Variants in GSE1 observed in about 807,000 individuals in gnomAD.
GSE1 encodes Gse1 coiled-coil protein, also known as genetic suppressor element 1.
A neutral mutation model predicts 112.6 loss-of-function variants in GSE1; 32 were observed. That is an observed-to-expected ratio of 0.28 (90% CI 0.21 to 0.38). GSE1 has a LOEUF of 0.38. Among genes scored for constraint, GSE1 ranks in the 10% least tolerant of loss-of-function variants. The probability of loss-of-function intolerance (pLI) is 1.00; values close to 1 mark genes in which losing one functional copy is unlikely to be tolerated. For synonymous variants in GSE1, 1,115 were observed against 735.6 expected (o/e 1.52, Z -8.35); for missense variants, 2,348 against 1,699.2 (o/e 1.38, Z -6.71).
rs1245889518 is a variant in GSE1 at position 85,673,476 on chromosome 16, G to C, written c.*937G>C. 2 of 134,722 alleles carry C rather than the reference G, an allele frequency of 1.5e-5. No homozygotes were observed. Among genetic ancestry groups the C allele is most frequent in the Middle Eastern group, 4.0e-3 (1 of 250 alleles). The allele number at this position is 134,722 out of a possible 1,614,324, so 8.3% of individuals were successfully genotyped here. On this transcript the variant is annotated 3_prime_UTR_variant, in exon 16 of 16. Coordinates refer to ENST00000253458, the MANE Select transcript of GSE1 (RefSeq NM_014615.5). ...TTGTTTGTTGTTTTGGTTTTTTTTGGGCAAAAAAAAAAAAAAAACCTTGCT... is the reference window on the plus strand; with the variant it reads ...TTGTTTGTTGTTTTGGTTTTTTTTGCGCAAAAAAAAAAAAAAAACCTTGCT...
At chr16:85,596,683 G>T (rs983357588) in intron 1 of GSE1, among the ~76,000 whole-genome samples, 8 of 152,162 alleles carry the variant, frequency 5.3e-5, no homozygotes, top group Non-Finnish European at 8.8e-5. Flanking sequence ...CACAATTCAA[G>T]TGCTTAGAGG....
chr16:85,525,652 G>A (rs900452475), intron 2 of GSE1, among the ~76,000 whole-genome samples: 2 of 152,218 alleles, frequency 1.3e-5, no homozygotes, highest in African/African-American at 4.8e-5. Context: ...CCTTTAGGGG[G>A]CTCCATTTGT....
chr16:85,473,650 GC>G (rs2050363684), intron 2 of GSE1, among the ~76,000 whole-genome samples: 1 of 152,174 alleles, frequency 6.6e-6, no homozygotes, highest in Admixed American at 6.5e-5. Flanking sequence ...TTTAGGACCT[GC>G]CCAGATAATC....
intron 1 of GSE1, among the ~76,000 whole-genome samples, chr16:85,343,996 C>T (rs1397123774): frequency 6.6e-6 from 1 of 152,208 alleles, no homozygotes; most frequent in Non-Finnish European, 1.5e-5. Flanking sequence ...GCGCCTGAAA[C>T]ACTATTCCCC....
At chr16:85,672,302 T>TTTCAAA (rs777845111) in intron 15 of GSE1, 103 bp from the exon 16 acceptor site, 8 of 873,262 alleles carry the variant, frequency 9.2e-6, no homozygotes, top group African/African-American at 8.3e-5. Context: ...GCCGGGACAT[T>TTTCAAA]TTCAAATGTA....
chr16:85,305,009 T>A (rs950973008), intron 1 of GSE1, among the ~76,000 whole-genome samples: 1 of 152,118 alleles, frequency 6.6e-6, no homozygotes, highest in Non-Finnish European at 1.5e-5. Context: ...CAAGCCCACA[T>A]CCTGTTAGGA....
intron 1 of GSE1, among the ~76,000 whole-genome samples, chr16:85,183,308 G>C (rs1056494992): frequency 3.3e-5 from 5 of 152,230 alleles, no homozygotes; most frequent in Admixed American, 2.6e-4. Context: ...TGCCAGCCTA[G>C]CTCTCACCTG....
chr16:85,324,382 T>G (rs1265151707), intron 1 of GSE1, among the ~76,000 whole-genome samples: 2 of 151,978 alleles, frequency 1.3e-5, no homozygotes, highest in Non-Finnish European at 1.5e-5. Context: ...TGGTGGCGCA[T>G]GCCTGTAATC....
At chr16:85,576,937 G>T (rs2046250834) in intron 1 of GSE1, among the ~76,000 whole-genome samples, 1 of 152,190 alleles carries the variant, frequency 6.6e-6, no homozygotes, top group Admixed American at 6.5e-5. Context: ...AGAGCAGGCA[G>T]GCCCTTCCCT....
At chr16:85,221,466 C>T (rs1337827732) in intron 1 of GSE1, among the ~76,000 whole-genome samples, 4 of 152,000 alleles carry the variant, frequency 2.6e-5, no homozygotes, top group East Asian at 3.9e-4. Flanking sequence ...CACACACAGA[C>T]GCACACAGAC....
At chr16:85,450,748 C>A (rs111536585) in intron 2 of GSE1, among the ~76,000 whole-genome samples, 9,789 of 152,086 alleles carry the variant, frequency 0.064, 646 homozygotes, top group African/African-American at 0.17. Context: ...CTCGCCCGGC[C>A]CACCTTACAT....
intron 2 of GSE1, among the ~76,000 whole-genome samples, chr16:85,481,172 C>T (rs2050671008): frequency 6.6e-6 from 1 of 152,242 alleles, no homozygotes; most frequent in African/African-American, 2.4e-5. Flanking sequence ...CAGAGCCAGG[C>T]TTCCCAGGTT....
intron 1 of GSE1, among the ~76,000 whole-genome samples, chr16:85,314,415 T>G (rs996944041): frequency 6.6e-6 from 1 of 152,124 alleles, no homozygotes; most frequent in Non-Finnish European, 1.5e-5. Context: ...CAGCCCAGCA[T>G]CTGTGTGGGG....
At chr16:85,642,195 C>G (rs1247569537) in intron 2 of GSE1, among the ~76,000 whole-genome samples, 4 of 152,226 alleles carry the variant, frequency 2.6e-5, no homozygotes, top group Admixed American at 2.6e-4. Context: ...GCCTATAGTC[C>G]CAGCTGCTCG....
At chr16:85,274,948 C>T (rs922366022) in intron 1 of GSE1, among the ~76,000 whole-genome samples, 1 of 152,226 alleles carries the variant, frequency 6.6e-6, no homozygotes, top group Non-Finnish European at 1.5e-5. Context: ...GGAGTGAGAC[C>T]AGGCATTTTC....
At chr16:85,555,163 T>C, upstream of GSE1, 1 of 985,374 alleles carries the variant, frequency 1.0e-6, no homozygotes, top group Non-Finnish European at 1.2e-6. Context: ...TTCGCTTTCA[T>C]TAGGGGAGAC....
chr16:85,468,544 C>T (rs1352340870), intron 2 of GSE1, among the ~76,000 whole-genome samples: 1 of 151,990 alleles, frequency 6.6e-6, no homozygotes, highest in African/African-American at 2.4e-5. Context: ...TCTTGAACTC[C>T]TGACCTCCTG....
chr16:85,392,219 T>G (rs905917354), intron 2 of GSE1, among the ~76,000 whole-genome samples: 1 of 152,166 alleles, frequency 6.6e-6, no homozygotes, highest in Non-Finnish European at 1.5e-5. Flanking sequence ...CACACAGCAT[T>G]GATTCTGCAC....
At chr16:85,544,025 G>C (rs2044614382) in intron 2 of GSE1, among the ~76,000 whole-genome samples, 1 of 152,126 alleles carries the variant, frequency 6.6e-6, no homozygotes, top group Non-Finnish European at 1.5e-5. Context: ...TGTAGAGATG[G>C]GTTTTCGCCA....
Sources: allele counts gnomAD v4.1 joint callset (sites outside exome capture counted in the v4.1 genomes callset), GRCh38; gene constraint gnomAD v4.1.1; transcripts MANE v1.5; gene names NCBI Gene and HGNC (gene_info 2026-07-23, HGNC 2026-07-21).